HIPK3: variants seen among roughly 807,000 people sequenced by gnomAD.
HIPK3 encodes homeodomain-interacting protein kinase 3.
In HIPK3, 47 loss-of-function variants were observed where a neutral mutation model predicts 124.2. The observed-to-expected ratio is 0.38, with a 90% CI of 0.30 to 0.48. The LOEUF is 0.48. Ranked by LOEUF, HIPK3 falls within the 20% of genes least tolerant of loss-of-function variation. HIPK3 has a pLI of 0.98. For missense variants in HIPK3, 1,286 were observed against 1,454.3 expected, an observed-to-expected ratio of 0.88 and a Z score of 1.88; for synonymous variants, 482 against 515.2, an observed-to-expected ratio of 0.94 and a Z score of 0.87.
At position 33,290,253 on chromosome 11, in the gene HIPK3, G is replaced by A. The variant is rs188676374; in HGVS notation, c.1097+2742G>A. The stretch of plus-strand genomic sequence containing the variant: ...GATCATTTAAAATTTTAAATTTGCT[G>A]TTGCAGGGTAGTAGCTCTTGCTTAG... On this transcript the variant is annotated intron_variant, in intron 2 of 16. Transcript: ENST00000303296. Among the ~76,000 whole-genome samples, 296 of 152,214 alleles carry A rather than the reference G, an allele frequency of 1.9e-3. 2 individuals are homozygous for A. Among genetic ancestry groups the A allele is most frequent in the African/African-American group, 6.7e-3 (279 of 41,534 alleles).
chr11:33,355,866 G>A lies in HIPK3; in HGVS notation c.*2298G>A, dbSNP rs1271828123. On this transcript the variant is annotated 3_prime_UTR_variant, in exon 17 of 17. Transcript: ENST00000303296. ...ATATAAAAAATTAAATGTTTAAAAA[G>A]GAGTAGCCTAAGATTAATTTAAAAG... 6.6e-6 allele frequency: 1 copy of A among 151,702 alleles called. No individual in the cohort carries two copies. The highest frequency in any genetic ancestry group is 1.5e-5 in the Non-Finnish European group (1 of 67,816). The allele number at this position is 151,702 out of a possible 1,614,324, so 9.4% of individuals were successfully genotyped here.
At chr11:33,347,478 C>G in intron 9 of HIPK3, 64 bp downstream of exon 9, 27 of 1,602,562 alleles carry the variant, frequency 1.7e-5, no homozygotes, top group Non-Finnish European at 2.2e-5. Flanking sequence ...TGAAAATGAC[C>G]TGGATAGGGA....
At position 33,287,216 on chromosome 11, in the gene HIPK3, C is replaced by T. The variant is rs376939727; in HGVS notation, c.802C>T (p.Arg268Cys). 1.5e-5 allele frequency: 24 copies of T among 1,613,954 alleles called. No individual in the cohort carries two copies. Among genetic ancestry groups the T allele is most frequent in the East Asian group, 2.2e-5 (1 of 44,896 alleles). ...ACGAGCTTATGAATGCTTTCAGCAC[C>T]GTAACCATACTTGTTTAGTCTTTGA... ...FVRAYECFQH[R>C]NHTCLVFEML... The change falls in exon 2 of 17, where the codon CGT (arginine) becomes TGT (cysteine). Residue 268 changes from arginine (R) to cysteine (C), a missense_variant. Physicochemically the swap from Arg to Cys is radical, Grantham distance 180. Coordinates refer to ENST00000303296, the MANE Select transcript of HIPK3 (RefSeq NM_005734.5).
Position 33,257,691 on chromosome 11 carries a change from C to A in HIPK3, c.-201C>A. ...GAGCAGCAGCAGCAGCAGCAGCGGTCGGGGGAGGGTGTTTCGCCGTTTCCT... is the reference window on the plus strand; with the variant it reads ...GAGCAGCAGCAGCAGCAGCAGCGGTAGGGGGAGGGTGTTTCGCCGTTTCCT... On this transcript the variant is annotated 5_prime_UTR_variant, in exon 1 of 17. Transcript: ENST00000303296. The A allele has an allele frequency of 3.4e-5, 34 of 993,264 alleles. No individual in the cohort carries two copies. The highest frequency in any genetic ancestry group is 1.8e-4 in the South Asian group (4 of 22,302). 61.5% of individuals were successfully genotyped at this position (993,264 alleles called of 1,614,324 possible).
In HIPK3 at chr11:33,354,798, T is replaced by G. The variant is rs2134008746; in HGVS notation, c.*1230T>G. ...CATTCCGTCAGGGACAGAAATTACA[T>G]GCTTTTTTTTCTTTCTAGGAAGTGT... On this transcript the variant is annotated 3_prime_UTR_variant, in exon 17 of 17. Coordinates refer to ENST00000303296, the MANE Select transcript of HIPK3 (RefSeq NM_005734.5). 6.6e-6 allele frequency: 1 copy of G among 151,932 alleles called. No homozygotes were observed. The highest frequency in any genetic ancestry group is 2.1e-4 in the South Asian group (1 of 4,808). 9.4% of individuals were successfully genotyped at this position (151,932 alleles called of 1,614,324 possible).
At chr11:33,294,601 A>T (rs1851790310) in intron 2 of HIPK3, among the ~76,000 whole-genome samples, 1 of 144,518 alleles carries the variant, frequency 6.9e-6, no homozygotes. Context: ...AACTGTTTAA[A>T]CTATTTTTTT....
chr11:33,311,872 C>CACACACACT lies in HIPK3; in HGVS notation c.1098-16630_1098-16629insTACACACAC, dbSNP rs1565079079. On this transcript the variant is annotated intron_variant, in intron 2 of 16. Coordinates refer to ENST00000303296, the MANE Select transcript of HIPK3 (RefSeq NM_005734.5). ...CACACACACACACACACACACACTA[C>CACACACACT]ACACACACACTTGGGCAACATAGCA... 6.3e-5 allele frequency among the ~76,000 whole-genome samples: 8 copies of CACACACACT among 126,932 alleles called. 2 individuals are homozygous for CACACACACT. The highest frequency in any genetic ancestry group is 2.3e-4 in the Admixed American group (3 of 12,888). 83.3% of individuals were successfully genotyped at this position (126,932 alleles called of 152,430 possible). A position where few individuals can be genotyped will look rare whatever the true frequency, so the allele number is the denominator to read the frequency against.
At chr11:33,308,313 A>T (rs1852224040) in intron 2 of HIPK3, among the ~76,000 whole-genome samples, 1 of 152,006 alleles carries the variant, frequency 6.6e-6, no homozygotes, top group South Asian at 2.1e-4. Context: ...GATAGTGTAA[A>T]TCCTCCTGAT....
intron 1 of HIPK3, among the ~76,000 whole-genome samples, chr11:33,274,972 C>A (rs2133882939): frequency 6.6e-6 from 1 of 152,248 alleles, no homozygotes; most frequent in South Asian, 2.1e-4. Context: ...CTGTAGGCAC[C>A]TCAGACAGCA....
chr11:33,293,235 AATTC>A (rs1471608809), intron 2 of HIPK3, among the ~76,000 whole-genome samples: 14 of 152,212 alleles, frequency 9.2e-5, no homozygotes, highest in Admixed American at 2.6e-4. Context: ...CATACCTTGA[AATTC>A]ATTCATTTAA....
At chr11:33,273,947 GTTTTTAGAA>G (rs1851205624) in intron 1 of HIPK3, among the ~76,000 whole-genome samples, 1 of 152,150 alleles carries the variant, frequency 6.6e-6, no homozygotes, top group Non-Finnish European at 1.5e-5. Flanking sequence ...CATTCTGTTG[GTTTTTAGAA>G]TTTTCATTCT....
chr11:33,318,323 A>C (rs190459800), intron 2 of HIPK3, among the ~76,000 whole-genome samples: 2 of 152,038 alleles, frequency 1.3e-5, no homozygotes, highest in African/African-American at 4.8e-5. Flanking sequence ...CATGTTGGCC[A>C]CCCAAAGTGC....
At chr11:33,289,584 A>G (rs1851645364) in intron 2 of HIPK3, among the ~76,000 whole-genome samples, 1 of 152,198 alleles carries the variant, frequency 6.6e-6, no homozygotes, top group Admixed American at 6.5e-5. Flanking sequence ...ATTTTGATAT[A>G]GGCATACAGT....
intron 2 of HIPK3, among the ~76,000 whole-genome samples, chr11:33,304,860 G>A (rs940663885): frequency 2.0e-5 from 3 of 152,072 alleles, no homozygotes; most frequent in African/African-American, 4.8e-5. Flanking sequence ...GGACGCTGCC[G>A]GATTTCCTTC....
intron 14 of HIPK3, among the ~76,000 whole-genome samples, chr11:33,350,209 C>G (rs1455397371): frequency 1.3e-5 from 2 of 152,096 alleles, no homozygotes; most frequent in East Asian, 3.9e-4. Context: ...ACTCACTGGC[C>G]CACTGTCTAC....
chr11:33,304,161 C>G (rs266450), intron 2 of HIPK3, among the ~76,000 whole-genome samples: 147,842 of 152,272 alleles, frequency 0.97, 71,808 homozygotes, highest in East Asian at 1. Context: ...GGATGGTCTC[C>G]ATCTCCTGAC....
intron 2 of HIPK3, among the ~76,000 whole-genome samples, chr11:33,294,953 T>G (rs1483424953): frequency 2.0e-5 from 3 of 152,140 alleles, no homozygotes; most frequent in African/African-American, 7.2e-5. Flanking sequence ...TGGTGATATA[T>G]CATAATGATG....
chr11:33,263,690 T>A (rs1447213012), intron 1 of HIPK3, among the ~76,000 whole-genome samples: 1 of 152,194 alleles, frequency 6.6e-6, no homozygotes, highest in Non-Finnish European at 1.5e-5. Context: ...AGGGAAAGAT[T>A]AAGTCAGTAG....
At chr11:33,352,388 C>A in intron 16 of HIPK3, 123 bp downstream of exon 16, 1 of 1,002,384 alleles carries the variant, frequency 1.0e-6, no homozygotes, top group Non-Finnish European at 1.5e-6. Flanking sequence ...TCTCATTATC[C>A]CAAGTGGCTA....
Sources: allele counts gnomAD v4.1 joint callset (sites outside exome capture counted in the v4.1 genomes callset), GRCh38; gene constraint gnomAD v4.1.1; transcripts MANE v1.5; gene names NCBI Gene and HGNC (gene_info 2026-07-23, HGNC 2026-07-21).